The following MBNL2 variants were observed in gnomAD, a reference collection of about 807,000 sequenced individuals.
MBNL2 encodes muscleblind like splicing regulator 2, also known as muscleblind-like protein 2.
Under a neutral mutation model 41.9 loss-of-function variants are expected in MBNL2, and 17 were observed. The ratio of observed to expected loss-of-function variants is 0.41; its 90% CI spans 0.28 to 0.61. The LOEUF is 0.61. MBNL2 is among the 20% of genes least tolerant of loss of function. MBNL2 has a pLI of 0.35. For synonymous variants in MBNL2, 195 were observed against 182.9 expected, an observed-to-expected ratio of 1.07 and a Z score of -0.53; for missense variants, 336 against 505.6, an observed-to-expected ratio of 0.66 and a Z score of 3.22.
At chr13:97,374,385 G>A (rs2064759299) in intron 8 of MBNL2, among the ~76,000 whole-genome samples, 1 of 151,258 alleles carries the variant, frequency 6.6e-6, no homozygotes, top group African/African-American at 2.4e-5. Flanking sequence ...CTGACCTCGT[G>A]ATCCGCCCGC....
intron 1 of MBNL2, among the ~76,000 whole-genome samples, chr13:97,245,247 T>C (rs923025590): frequency 6.6e-6 from 1 of 152,206 alleles, no homozygotes; most frequent in East Asian, 1.9e-4. Flanking sequence ...CAGTTGGTGG[T>C]GGCTGTCTGC....
In MBNL2 at chr13:97,366,548, A is replaced by G; in HGVS notation, c.1048+1377A>G. On this transcript the variant is annotated intron_variant, in intron 8 of 8. Coordinates refer to ENST00000679496, the MANE Select transcript of MBNL2 (RefSeq NM_001382683.1). This position sits in a 1 kb window ranked among gnomAD's most constrained non-coding sequence, Gnocchi z 4.7. Reference sequence around the variant, plus strand: ...CCCCTTCGCAGCAACAGCCACAGCCAATCAGGTTTGCTCCTTTTAAAGCTT... The same window carrying G: ...CCCCTTCGCAGCAACAGCCACAGCCGATCAGGTTTGCTCCTTTTAAAGCTT... The G allele has an allele frequency of 6.2e-7, 1 of 1,607,020 alleles. No homozygotes were observed. Among genetic ancestry groups the G allele is most frequent in the Non-Finnish European group, 8.5e-7 (1 of 1,173,710 alleles).
intron 1 of MBNL2, among the ~76,000 whole-genome samples, chr13:97,244,651 T>G (rs1436070850): frequency 6.6e-6 from 1 of 152,224 alleles, no homozygotes; most frequent in Non-Finnish European, 1.5e-5. Context: ...ACAAATATAA[T>G]GGCCTGTTTG....
At chr13:97,173,761 C>T in the MBNL2 span, among the ~76,000 whole-genome samples, 2 of 152,208 alleles carry the variant, frequency 1.3e-5, no homozygotes, top group African/African-American at 2.4e-5. Flanking sequence ...CTCACCACCA[C>T]ATGCTAGCTA....
intron 1 of MBNL2, among the ~76,000 whole-genome samples, chr13:97,233,971 C>CA (rs1038512452): frequency 4.6e-5 from 7 of 152,082 alleles, no homozygotes; most frequent in East Asian, 1.9e-4. Flanking sequence ...ACCCAACTGA[C>CA]AAAAAATACA....
the MBNL2 span, among the ~76,000 whole-genome samples, chr13:97,200,572 C>A: frequency 6.6e-6 from 1 of 152,096 alleles, no homozygotes; most frequent in Admixed American, 6.5e-5. Context: ...ACAAAAAAAT[C>A]CTCTTGGATT....
chr13:97,262,774 AT>A (rs774881151), intron 1 of MBNL2, among the ~76,000 whole-genome samples: 8 of 150,518 alleles, frequency 5.3e-5, no homozygotes, highest in African/African-American at 1.7e-4. Context: ...TTTTTTAATA[AT>A]TTTTTTTGAG....
chr13:97,335,657 A>C (rs1415555505), intron 3 of MBNL2, among the ~76,000 whole-genome samples: 2 of 152,192 alleles, frequency 1.3e-5, no homozygotes. Flanking sequence ...CAGACACAAG[A>C]AAAGGGCAAA....
intron 2 of MBNL2, among the ~76,000 whole-genome samples, chr13:97,316,939 G>A (rs2059109985): frequency 6.6e-6 from 1 of 152,196 alleles, no homozygotes; most frequent in African/African-American, 2.4e-5. Context: ...AACACTGCCT[G>A]GCCCAAGGTA....
chr13:97,291,023 T>C (rs955270054), intron 2 of MBNL2, among the ~76,000 whole-genome samples: 4 of 152,082 alleles, frequency 2.6e-5, no homozygotes, highest in African/African-American at 9.7e-5. Flanking sequence ...AATGTTATGC[T>C]CAGCACTAAG....
the MBNL2 span, among the ~76,000 whole-genome samples, chr13:97,153,296 C>G: frequency 6.6e-6 from 1 of 151,580 alleles, no homozygotes; most frequent in East Asian, 1.9e-4. Flanking sequence ...GGAGCACATG[C>G]ACGTGTGTTT....
At chr13:97,274,687 C>T (rs2051812550) in intron 1 of MBNL2, among the ~76,000 whole-genome samples, 1 of 152,146 alleles carries the variant, frequency 6.6e-6, no homozygotes, top group Non-Finnish European at 1.5e-5. Context: ...AAATAATCAA[C>T]TTCTGGACTT....
At chr13:97,153,475 G>A in the MBNL2 span, among the ~76,000 whole-genome samples, 1 of 152,064 alleles carries the variant, frequency 6.6e-6, no homozygotes, top group Non-Finnish European at 1.5e-5. Flanking sequence ...AAAAGTTAAG[G>A]TAGCTGGCAA....
At chr13:97,276,898 A>C (rs1259864866) in intron 2 of MBNL2, among the ~76,000 whole-genome samples, 1 of 152,042 alleles carries the variant, frequency 6.6e-6, no homozygotes, top group Admixed American at 6.5e-5. Context: ...TATTAAGTAC[A>C]CGCTCAATAC....
rs571605289 is a variant in MBNL2, at chr13:97,377,528, A to C, written c.1048+12357A>C. Among the ~76,000 whole-genome samples, 119 of 152,368 alleles carry C rather than the reference A, an allele frequency of 7.8e-4. 1 individual carries two copies. The highest frequency in any genetic ancestry group is 3.4e-3 in the Middle Eastern group (1 of 294). ...AATCAAAAAGATACTTGAAGAAGTC[A>C]AACCTAATTCCCTCCTTTTCTCCAA... On this transcript the variant is annotated intron_variant, in intron 8 of 8. Coordinates refer to ENST00000679496, the MANE Select transcript of MBNL2 (RefSeq NM_001382683.1).
chr13:97,173,748 T>A, the MBNL2 span, among the ~76,000 whole-genome samples: 235 of 152,306 alleles, frequency 1.5e-3, 1 homozygote, highest in Middle Eastern at 3.4e-3. Flanking sequence ...CAGCAGGATA[T>A]GTCTCACCAC....
the MBNL2 span, among the ~76,000 whole-genome samples, chr13:97,195,771 G>A: frequency 6.6e-5 from 10 of 152,224 alleles, no homozygotes; most frequent in African/African-American, 2.4e-4. Context: ...GGTAATTCTG[G>A]ACATTTTTAA....
intron 2 of MBNL2, among the ~76,000 whole-genome samples, chr13:97,329,401 A>T (rs897177286): frequency 1.3e-5 from 2 of 152,110 alleles, no homozygotes; most frequent in Admixed American, 1.3e-4. Flanking sequence ...TGATCTTGTT[A>T]TTCTCCTGCT....
At chr13:97,195,755 A>G in the MBNL2 span, among the ~76,000 whole-genome samples, 1 of 152,192 alleles carries the variant, frequency 6.6e-6, no homozygotes, top group Non-Finnish European at 1.5e-5. Flanking sequence ...CTAATGGTTG[A>G]TTCTTGGTAA....
Sources: allele counts gnomAD v4.1 joint callset (sites outside exome capture counted in the v4.1 genomes callset), GRCh38; gene constraint gnomAD v4.1.1; non-coding constraint Gnocchi (gnomAD v3.1); transcripts MANE v1.5; gene names NCBI Gene and HGNC (gene_info 2026-07-23, HGNC 2026-07-21).